APBA1: variants seen among roughly 807,000 people sequenced by gnomAD.
The protein encoded by APBA1 is amyloid-beta A4 precursor protein-binding family A member 1.
A neutral mutation model predicts 86.6 loss-of-function variants in APBA1; 55 were observed. That is an observed-to-expected ratio of 0.64 (90% confidence interval 0.51 to 0.80). APBA1 has a LOEUF of 0.80. Among genes scored for constraint, APBA1 ranks in the 30% least tolerant of loss-of-function variants. The pLI is 0.00. For missense variants in APBA1, 1,090 were observed against 1,183.0 expected (o/e 0.92, Z 1.15); for synonymous variants, 511 against 493.9 (o/e 1.03, Z -0.46).
chr9:69,476,166 A>T lies in APBA1; in HGVS notation c.1201-23T>A, dbSNP rs377069119. On this transcript the variant is annotated intron_variant, in intron 2 of 12. Coordinates refer to ENST00000265381, the MANE Select transcript of APBA1 (RefSeq NM_001163.4). ...AGACTAGAACACAGCAAGAGGAAAC[A>T]CAGTGAGAACTTGAGAGACTCGGCA... The T allele has an allele frequency of 8.8e-5, 138 of 1,573,122 alleles. No individual in the cohort carries two copies. The East Asian group carries it at 1.4e-3, about 16-fold the overall frequency.
intron 1 of APBA1, among the ~76,000 whole-genome samples, chr9:69,620,766 C>T (rs557015265): frequency 1.3e-5 from 2 of 152,210 alleles, no homozygotes; most frequent in South Asian, 4.1e-4. Flanking sequence ...AAAGTGGCTG[C>T]AGGGTCCTTT....
chr9:69,637,673 G>A (rs1292469958), intron 1 of APBA1, among the ~76,000 whole-genome samples: 1 of 152,222 alleles, frequency 6.6e-6, no homozygotes, highest in Non-Finnish European at 1.5e-5. Flanking sequence ...AACTTCTAAT[G>A]CAGAGAAGAT....
intron 2 of APBA1, among the ~76,000 whole-genome samples, chr9:69,512,534 T>C (rs1836067576): frequency 1.3e-5 from 2 of 152,224 alleles, no homozygotes; most frequent in South Asian, 4.1e-4. Context: ...AATTCTGCTT[T>C]TGTAAGAATA....
chr9:69,583,168 T>C (rs1041206504), intron 1 of APBA1, among the ~76,000 whole-genome samples: 2 of 152,116 alleles, frequency 1.3e-5, no homozygotes, highest in Non-Finnish European at 2.9e-5. Context: ...GTGGAGGTCA[T>C]TAGGGGGAAG....
chr9:69,447,630 C>A (rs867038552), intron 10 of APBA1, among the ~76,000 whole-genome samples: 86 of 152,314 alleles, frequency 5.6e-4, no homozygotes, highest in African/African-American at 2.0e-3. Context: ...AGCATTTCAC[C>A]TGACACCCTC....
chr9:69,526,482 A>G (rs1048002890), intron 1 of APBA1, among the ~76,000 whole-genome samples: 2 of 152,180 alleles, frequency 1.3e-5, no homozygotes, highest in African/African-American at 2.4e-5. Flanking sequence ...GTTCAATATC[A>G]CTAATCATCA....
intron 1 of APBA1, among the ~76,000 whole-genome samples, chr9:69,550,123 G>T (rs966788763): frequency 6.6e-6 from 1 of 152,094 alleles, no homozygotes; most frequent in African/African-American, 2.4e-5. Context: ...TAATCTTTTG[G>T]TTCATGATAT....
chr9:69,486,194 C>T (rs552778390), intron 2 of APBA1, among the ~76,000 whole-genome samples: 37 of 152,112 alleles, frequency 2.4e-4, no homozygotes, highest in Non-Finnish European at 4.0e-4. Flanking sequence ...TCAAGTGATC[C>T]GCCCGCCTTG....
At chr9:69,643,415 G>A (rs1408584469) in intron 1 of APBA1, among the ~76,000 whole-genome samples, 3 of 152,138 alleles carry the variant, frequency 2.0e-5, no homozygotes, top group Non-Finnish European at 2.9e-5. Flanking sequence ...TGCTAACAAG[G>A]ACATGGATAA....
intron 1 of APBA1, among the ~76,000 whole-genome samples, chr9:69,615,375 GT>G: frequency 6.6e-6 from 1 of 152,140 alleles, no homozygotes; most frequent in Non-Finnish European, 1.5e-5. Context: ...ATTTCCATAA[GT>G]TCAAAAAGAA....
intron 5 of APBA1, among the ~76,000 whole-genome samples, chr9:69,458,552 A>T (rs1835138048): frequency 6.6e-6 from 1 of 152,036 alleles, no homozygotes; most frequent in Non-Finnish European, 1.5e-5. Context: ...TTTGGGTTTA[A>T]TTTGCTGACT....
At chr9:69,585,562 T>C (rs763611094) in intron 1 of APBA1, among the ~76,000 whole-genome samples, 1 of 152,128 alleles carries the variant, frequency 6.6e-6, no homozygotes, top group Non-Finnish European at 1.5e-5. Flanking sequence ...ACCATCTGAC[T>C]CCAGCTGTAG....
chr9:69,497,225 C>G lies in APBA1; in HGVS notation c.1200+18786G>C, dbSNP rs556583593. On this transcript the variant is annotated intron_variant, in intron 2 of 12. Coordinates refer to ENST00000265381, the MANE Select transcript of APBA1 (RefSeq NM_001163.4). ...ATAACACCTGCGATGGAAAACTCCCCCAGCAGCACAAAGGCGGTTGAGATG... is the reference window on the plus strand; with the variant it reads ...ATAACACCTGCGATGGAAAACTCCCGCAGCAGCACAAAGGCGGTTGAGATG... Among the ~76,000 whole-genome samples, 5 of 152,126 alleles carry G rather than the reference C, an allele frequency of 3.3e-5. No individual in the cohort carries two copies. The South Asian group carries it at 1.0e-3, about 32-fold the overall frequency.
chr9:69,457,523 G>A (rs944323475), intron 6 of APBA1, among the ~76,000 whole-genome samples: 7 of 152,136 alleles, frequency 4.6e-5, no homozygotes, highest in Non-Finnish European at 7.4e-5. Context: ...CTTAGAATTT[G>A]CCTCTGCTTG....
In APBA1 at chr9:69,658,308, T is replaced by TC. The variant is rs1564105052; in HGVS notation, c.-70+13844_-70+13845insG. Among the ~76,000 whole-genome samples, 78 of 39,900 alleles carry TC rather than the reference T, an allele frequency of 2.0e-3. 2 individuals carry two copies. The highest frequency in any genetic ancestry group is 0.012 in the South Asian group (13 of 1,042). 26.2% of individuals were successfully genotyped at this position (39,900 alleles called of 152,430 possible). A position where few individuals can be genotyped will look rare whatever the true frequency, so the allele number is the denominator to read the frequency against. Reference sequence around the variant, plus strand: ...TCTCTCTCTCTTTCTCTCTCTCTCTTTCTTTCTTTCTTTCTTTCTTTCTTT... The same window carrying TC: ...TCTCTCTCTCTTTCTCTCTCTCTCTTCTCTTTCTTTCTTTCTTTCTTTCTTT... On this transcript the variant is annotated intron_variant, in intron 1 of 12. Transcript: ENST00000265381.
intron 1 of APBA1, among the ~76,000 whole-genome samples, chr9:69,618,099 G>A (rs1043714225): frequency 1.3e-5 from 2 of 152,198 alleles, no homozygotes; most frequent in Admixed American, 6.5e-5. Context: ...GTTTGCCTCA[G>A]GTGTGGGATG....
chr9:69,621,595 T>C (rs894676645), intron 1 of APBA1, among the ~76,000 whole-genome samples: 4 of 152,230 alleles, frequency 2.6e-5, no homozygotes, highest in Admixed American at 1.3e-4. Context: ...ATTCTCTTTG[T>C]GCCTCAGTTT....
chr9:69,526,961 G>C (rs61622125), intron 1 of APBA1, among the ~76,000 whole-genome samples: 2 of 152,098 alleles, frequency 1.3e-5, no homozygotes, highest in African/African-American at 4.8e-5. Flanking sequence ...ATTGTCCTAA[G>C]CAAAGTAATG....
chr9:69,447,919 A>G (rs1285372814), intron 10 of APBA1, among the ~76,000 whole-genome samples: 2 of 152,132 alleles, frequency 1.3e-5, no homozygotes, highest in African/African-American at 4.8e-5. Flanking sequence ...TGGGTCCCAC[A>G]GCCCCTCAGC....
Sources: gnomAD v4.1 joint callset for allele counts (sites outside exome capture counted in the v4.1 genomes callset) on GRCh38, gnomAD v4.1.1 for gene constraint, MANE v1.5 for transcripts, NCBI Gene and HGNC (gene_info 2026-07-23, HGNC 2026-07-21) for gene names.